SRP19: variants seen among roughly 807,000 people sequenced by gnomAD.
The protein encoded by SRP19 is signal recognition particle 19 kDa protein.
Under a neutral mutation model 22.4 loss-of-function variants are expected in SRP19, and 11 were observed. The ratio of observed to expected loss-of-function variants is 0.49; its 90% confidence interval spans 0.31 to 0.81. The LOEUF (loss-of-function observed/expected upper bound fraction) is 0.81. SRP19 is among the 40% of genes least tolerant of loss of function. SRP19 has a pLI of 0.05. For missense variants in SRP19, 168 were observed against 175.9 expected (o/e 0.96, Z 0.25); for synonymous variants, 61 against 57.6 (o/e 1.06, Z -0.27).
Position 112,864,441 on chromosome 5 carries a change from G to C in SRP19, c.118-16G>C. On this transcript the variant is annotated splice_polypyrimidine_tract_variant and intron_variant, in intron 2 of 4. Transcript: ENST00000505459. ...TAAAGCACATATATTTAGTGTTTATGTTTTTAACTGTTCAGGCTGTTGAAA... is the reference window on the plus strand; with the variant it reads ...TAAAGCACATATATTTAGTGTTTATCTTTTTAACTGTTCAGGCTGTTGAAA... 1 of 1,609,732 alleles carries C rather than the reference G, an allele frequency of 6.2e-7. No individual in the cohort carries two copies. Among genetic ancestry groups the C allele is most frequent in the Non-Finnish European group, 8.5e-7 (1 of 1,177,258 alleles).
chr5:112,883,309 C>A (rs1373472588), intron 4 of SRP19, among the ~76,000 whole-genome samples: 1 of 152,202 alleles, frequency 6.6e-6, no homozygotes, highest in Non-Finnish European at 1.5e-5. Context: ...TCTGTGTTAT[C>A]AAAATCACTA....
Position 112,868,445 on chromosome 5 carries a change from G to C in SRP19, c.*908G>C, listed in dbSNP as rs1237152781. ...GATGGAGTTTCACTCTTGTTGCCTA[G>C]GCTGGAGTGCAATGGCACGATATCG... On this transcript the variant is annotated 3_prime_UTR_variant, in exon 5 of 5. Transcript: ENST00000505459. 3.2e-6 allele frequency: 3 copies of C among 929,454 alleles called. No individual in the cohort carries two copies. In the African/African-American group the frequency reaches 5.4e-5, roughly 17 times the overall value. The allele number at this position is 929,454 out of a possible 1,614,324, so 57.6% of individuals were successfully genotyped here.
At position 112,867,759 on chromosome 5, in the gene SRP19, A is replaced by G. The variant is rs759658533; in HGVS notation, c.*222A>G. Reference sequence around the variant, plus strand: ...TATAAAAGAATTTTTTTGTCTTTCAATGCAGTTTTTTGGAAGAAAATATTT... The same window carrying G: ...TATAAAAGAATTTTTTTGTCTTTCAGTGCAGTTTTTTGGAAGAAAATATTT... On this transcript the variant is annotated 3_prime_UTR_variant, in exon 5 of 5. Coordinates refer to ENST00000505459, the MANE Select transcript of SRP19 (RefSeq NM_003135.3). 3.9e-5 allele frequency: 49 copies of G among 1,249,488 alleles called. No individual in the cohort carries two copies. The Admixed American group carries it at 7.9e-4, about 20-fold the overall frequency. 77.4% of individuals were successfully genotyped at this position (1,249,488 alleles called of 1,614,324 possible). A position where few individuals can be genotyped will look rare whatever the true frequency, so the allele number is the denominator to read the frequency against.
chr5:112,870,778 C>G (rs1767739080), downstream of SRP19, among the ~76,000 whole-genome samples: 1 of 152,156 alleles, frequency 6.6e-6, no homozygotes, highest in Admixed American at 6.6e-5. Flanking sequence ...TCAGCGCACC[C>G]TCTTTGTCCT....
exon 5 of SRP19, chr5:112,891,767 TGA>T (rs770682390): frequency 5.6e-6 from 9 of 1,613,948 alleles, no homozygotes; most frequent in African/African-American, 1.3e-5. Flanking sequence ...CTTGCTCGAC[TGA>T]GAGACTCAGG....
At chr5:112,878,547 A>G (rs1767966127) in intron 4 of SRP19, 1 of 510,100 alleles carries the variant, frequency 2.0e-6, no homozygotes, top group African/African-American at 1.9e-5. Context: ...TTTCCTACCC[A>G]GAGGCAAAAT....
At chr5:112,894,124 G>GTTTTTTTTTTTT (rs199564515), downstream of SRP19, 3 of 141,816 alleles carry the variant, frequency 2.1e-5, no homozygotes, top group African/African-American at 5.2e-5. Context: ...GGTTTTTTTT[G>GTTTTTTTTTTTT]TTTTTTTTTT....
At chr5:112,892,155 G>C in exon 5 of SRP19, 1 of 1,614,156 alleles carries the variant, frequency 6.2e-7, no homozygotes, top group Non-Finnish European at 8.5e-7. Flanking sequence ...TAATGGAGAA[G>C]GATCGAGCTA....
intron 4 of SRP19, chr5:112,878,875 C>A: frequency 1.2e-6 from 2 of 1,613,526 alleles, no homozygotes; most frequent in Middle Eastern, 1.7e-4. Flanking sequence ...TATATCAAAG[C>A]TCTTTCTTTG....
downstream of SRP19, among the ~76,000 whole-genome samples, chr5:112,871,478 G>C (rs979947572): frequency 6.6e-6 from 1 of 151,838 alleles, no homozygotes; most frequent in Admixed American, 6.6e-5. Flanking sequence ...TTAGAGGCCA[G>C]GTGTGGTGTG....
chr5:112,894,082 T>G (rs1163157068), downstream of SRP19: 1 of 152,138 alleles, frequency 6.6e-6, no homozygotes, highest in Non-Finnish European at 1.5e-5. Context: ...GTTATTTCCC[T>G]GTGGAAGCCT....
intron 4 of SRP19, among the ~76,000 whole-genome samples, chr5:112,889,116 T>C (rs1768351916): frequency 1.3e-5 from 2 of 150,880 alleles, no homozygotes; most frequent in Admixed American, 6.6e-5. Flanking sequence ...CATGTGGAAC[T>C]GTGAGTCAAT....
chr5:112,888,468 G>A (rs1315998431), intron 4 of SRP19, among the ~76,000 whole-genome samples: 1 of 152,144 alleles, frequency 6.6e-6, no homozygotes, highest in Admixed American at 6.5e-5. Context: ...TGTCACCCAG[G>A]CTGGAGTGCA....
chr5:112,865,514 T>A (rs1327550429), intron 4 of SRP19, among the ~76,000 whole-genome samples: 1 of 152,258 alleles, frequency 6.6e-6, no homozygotes. Context: ...TAATTTTTTC[T>A]TTCAGTTTAA....
chr5:112,892,467 T>C (rs1455298942), exon 5 of SRP19: 3 of 1,614,148 alleles, frequency 1.9e-6, no homozygotes, highest in Non-Finnish European at 2.5e-6. Flanking sequence ...GCAATGTATA[T>C]GTTCAGTACC....
chr5:112,870,284 C>T (rs1287735032), downstream of SRP19, among the ~76,000 whole-genome samples: 6 of 151,910 alleles, frequency 3.9e-5, no homozygotes, highest in African/African-American at 7.2e-5. Flanking sequence ...TCCAGGAAGT[C>T]GGGACCAACC....
intron 4 of SRP19, among the ~76,000 whole-genome samples, chr5:112,880,525 G>A (rs966231584): frequency 2.6e-5 from 4 of 152,142 alleles, no homozygotes; most frequent in Non-Finnish European, 5.9e-5. Flanking sequence ...TAAAATTACT[G>A]AACCAAGTTC....
chr5:112,864,370 T>G, intron 2 of SRP19, 87 bp from the exon 3 acceptor site: 1 of 1,143,722 alleles, frequency 8.7e-7, no homozygotes, highest in Non-Finnish European at 1.3e-6. Flanking sequence ...ACTTGTTTGA[T>G]TATAGTATTT....
intron 4 of SRP19, among the ~76,000 whole-genome samples, chr5:112,884,741 G>A (rs867322005): frequency 2.0e-5 from 3 of 150,938 alleles, no homozygotes; most frequent in African/African-American, 7.4e-5. Flanking sequence ...TTTCCTAAAC[G>A]TCTCTATTTA....
Sources: allele counts gnomAD v4.1 joint callset (sites outside exome capture counted in the v4.1 genomes callset), GRCh38; gene constraint gnomAD v4.1.1; transcripts MANE v1.5; gene names NCBI Gene and HGNC (gene_info 2026-07-23, HGNC 2026-07-21).